Variants in DTNBP1 observed in about 807,000 individuals in gnomAD.
The protein encoded by DTNBP1 is dysbindin.
Under a neutral mutation model 42.8 loss-of-function variants are expected in DTNBP1, and 35 were observed. The ratio of observed to expected loss-of-function variants is 0.82; its 90% confidence interval spans 0.63 to 1.09. DTNBP1 has a LOEUF of 1.09. Ranked by LOEUF, DTNBP1 falls within the 50% of genes least tolerant of loss-of-function variation. The pLI is 0.00. For missense variants in DTNBP1, 457 were observed against 424.2 expected (o/e 1.08, Z -0.68); for synonymous variants, 171 against 162.2 (o/e 1.05, Z -0.41).
At chr6:15,548,114 A>T (rs986074953) in intron 7 of DTNBP1, among the ~76,000 whole-genome samples, 1 of 152,218 alleles carries the variant, frequency 6.6e-6, no homozygotes, top group Admixed American at 6.5e-5. Context: ...CACAATGATA[A>T]CCTAAGGTAT....
intron 9 of DTNBP1, chr6:15,523,990 G>A: frequency 3.9e-6 from 5 of 1,287,934 alleles, no homozygotes; most frequent in Non-Finnish European, 5.1e-6. Context: ...CCAGGTACAG[G>A]TCTGGCACCT....
intron 7 of DTNBP1, among the ~76,000 whole-genome samples, chr6:15,545,148 T>C (rs1242350787): frequency 3.9e-5 from 6 of 152,090 alleles, no homozygotes; most frequent in African/African-American, 1.4e-4. Context: ...AACAAATGAA[T>C]ACAAATTTTC....
intron 7 of DTNBP1, among the ~76,000 whole-genome samples, chr6:15,577,789 G>C (rs918185970): frequency 2.0e-5 from 3 of 152,118 alleles, no homozygotes; most frequent in African/African-American, 7.2e-5. Context: ...GACTGAATAA[G>C]AATGCAGGAG....
chr6:15,526,021 A>G (rs1199974501), intron 8 of DTNBP1, among the ~76,000 whole-genome samples: 1 of 152,256 alleles, frequency 6.6e-6, no homozygotes, highest in East Asian at 1.9e-4. Context: ...AGGCTAAGAA[A>G]GAGAAGGAAA....
chr6:15,574,309 G>A (rs572635412), intron 7 of DTNBP1, among the ~76,000 whole-genome samples: 2 of 152,210 alleles, frequency 1.3e-5, no homozygotes, highest in South Asian at 4.1e-4. Flanking sequence ...TTAGCATGGG[G>A]CAGAGTAGAC....
chr6:15,556,183 C>CTT (rs112833362), intron 7 of DTNBP1, among the ~76,000 whole-genome samples: 4 of 140,106 alleles, frequency 2.9e-5, no homozygotes, highest in African/African-American at 5.2e-5. Context: ...GTTAAAAAAT[C>CTT]TTTTTTTTTT....
rs142579576 is a variant in DTNBP1, at chr6:15,595,636, T to C, written c.489-2555A>G. 6.2e-3 allele frequency among the ~76,000 whole-genome samples: 947 copies of C among 152,196 alleles called. 9 individuals are homozygous for C. Among genetic ancestry groups the C allele is most frequent in the African/African-American group, 0.021 (876 of 41,522 alleles). On this transcript the variant is annotated intron_variant, in intron 6 of 9. Transcript: ENST00000344537. ...ACTGAAAGCCTTGAAATTTCACAAT[T>C]GTTAGGGTGTACTCCACCATCTGTT...
intron 7 of DTNBP1, among the ~76,000 whole-genome samples, chr6:15,541,395 A>G (rs961431070): frequency 1.3e-5 from 2 of 152,232 alleles, no homozygotes; most frequent in African/African-American, 4.8e-5. Context: ...TGAGGACTGA[A>G]AAATCTAAAT....
chr6:15,586,061 G>C lies in DTNBP1; in HGVS notation c.511+6998C>G, dbSNP rs145454800. On this transcript the variant is annotated intron_variant, in intron 7 of 9. Transcript: ENST00000344537. The stretch of plus-strand genomic sequence containing the variant: ...ACCATACCAAATGCAGCTCAAAATG[G>C]AGGGGAGGGAAGGCTGAAAATAACT... The C allele has an allele frequency of 9.5e-4, 1,084 of 1,137,040 alleles. 4 individuals are homozygous for C. In the African/African-American group the frequency reaches 0.016, roughly 16 times the overall value. The allele number at this position is 1,137,040 out of a possible 1,614,324, so 70.4% of individuals were successfully genotyped here. A position where few individuals can be genotyped will look rare whatever the true frequency, so the allele number is the denominator to read the frequency against.
Position 15,522,882 on chromosome 6 carries a change from G to T in DTNBP1, c.*93C>A. On this transcript the variant is annotated 3_prime_UTR_variant, in exon 10 of 10. Transcript: ENST00000344537. ...TTATTGGCAATTATGTAAAAATCAA[G>T]AACCTCTATAAAACAACCTGGCTTT... The T allele has an allele frequency of 6.2e-7, 1 of 1,605,390 alleles. No homozygotes were observed. Among genetic ancestry groups the T allele is most frequent in the South Asian group, 1.1e-5 (1 of 90,230 alleles).
chr6:15,524,848 C>T (rs1772254447), intron 8 of DTNBP1, among the ~76,000 whole-genome samples, 179 bp from the exon 9 acceptor site: 1 of 149,566 alleles, frequency 6.7e-6, no homozygotes, highest in Non-Finnish European at 1.5e-5. Flanking sequence ...CATCCTAAAT[C>T]ACCCTTGGCA....
At chr6:15,549,760 A>G (rs988859608) in intron 7 of DTNBP1, among the ~76,000 whole-genome samples, 1 of 152,180 alleles carries the variant, frequency 6.6e-6, no homozygotes, top group African/African-American at 2.4e-5. Context: ...AAAAGTTTTA[A>G]CAAGAGAAGA....
At chr6:15,538,755 G>A (rs1475379501) in intron 7 of DTNBP1, among the ~76,000 whole-genome samples, 2 of 152,090 alleles carry the variant, frequency 1.3e-5, no homozygotes, top group Non-Finnish European at 2.9e-5. Flanking sequence ...ACCCTGCTCC[G>A]CTGAGTTTGG....
chr6:15,639,281 A>AT (rs1364828895), intron 3 of DTNBP1, among the ~76,000 whole-genome samples: 2 of 152,186 alleles, frequency 1.3e-5, no homozygotes, highest in Admixed American at 6.5e-5. Flanking sequence ...TATTTTTGCA[A>AT]TTTTTTTGTA....
intron 8 of DTNBP1, among the ~76,000 whole-genome samples, chr6:15,525,681 T>C (rs958583308): frequency 3.3e-5 from 5 of 151,896 alleles, no homozygotes; most frequent in African/African-American, 7.3e-5. Context: ...CACAGCCCAA[T>C]AGAAAATTAA....
chr6:15,608,277 A>C (rs1222613943), intron 6 of DTNBP1, among the ~76,000 whole-genome samples: 1 of 152,114 alleles, frequency 6.6e-6, no homozygotes, highest in East Asian at 1.9e-4. Flanking sequence ...GGTTTAAAAA[A>C]AAACACACAC....
chr6:15,615,233 G>A, intron 6 of DTNBP1, 34 bp downstream of exon 6: 2 of 1,614,030 alleles, frequency 1.2e-6, no homozygotes, highest in Non-Finnish European at 1.7e-6. Context: ...CTTCGAGACT[G>A]GAATGAATAC....
intron 1 of DTNBP1, among the ~76,000 whole-genome samples, chr6:15,660,037 T>G (rs2113834217): frequency 1.3e-5 from 2 of 152,328 alleles, no homozygotes; most frequent in Admixed American, 1.3e-4. Flanking sequence ...TGTGTGAAAC[T>G]TATCTGATCT....
intron 7 of DTNBP1, among the ~76,000 whole-genome samples, chr6:15,552,207 G>C (rs1469954311): frequency 6.6e-6 from 1 of 152,168 alleles, no homozygotes; most frequent in Non-Finnish European, 1.5e-5. Context: ...CTATGGAAAA[G>C]CTGGCCAGGA....
Sources: allele counts gnomAD v4.1 joint callset (sites outside exome capture counted in the v4.1 genomes callset), GRCh38; gene constraint gnomAD v4.1.1; transcripts MANE v1.5; gene names NCBI Gene and HGNC (gene_info 2026-07-23, HGNC 2026-07-21).